Variants in HPSE2 observed in about 807,000 individuals in gnomAD.
HPSE2 encodes inactive heparanase-2.
A neutral mutation model predicts 60.5 loss-of-function variants in HPSE2; 38 were observed. The ratio of observed to expected loss-of-function variants is 0.63; its 90% CI spans 0.48 to 0.82. HPSE2 has a LOEUF of 0.82. HPSE2 is among the 40% of genes least tolerant of loss of function. The pLI, the probability that HPSE2 is intolerant of heterozygous loss-of-function variation, is 0.00. For missense variants in HPSE2, 713 were observed against 740.4 expected (o/e 0.96, Z 0.43); for synonymous variants, 295 against 293.2 (o/e 1.01, Z -0.06).
intron 9 of HPSE2, among the ~76,000 whole-genome samples, chr10:98,592,295 T>C (rs1354541013): frequency 1.3e-5 from 2 of 152,224 alleles, no homozygotes; most frequent in Non-Finnish European, 2.9e-5. Flanking sequence ...TCAGGGCCTT[T>C]CCTCTTGCAT....
chr10:98,653,472 T>C (rs532949367), intron 6 of HPSE2, among the ~76,000 whole-genome samples: 11 of 151,966 alleles, frequency 7.2e-5, no homozygotes, highest in Admixed American at 1.3e-4. Flanking sequence ...GCATTTTATA[T>C]AATTACATTT....
chr10:98,631,992 G>A (rs765129811), intron 7 of HPSE2, among the ~76,000 whole-genome samples: 1 of 152,136 alleles, frequency 6.6e-6, no homozygotes, highest in African/African-American at 2.4e-5. Flanking sequence ...CATTCATTCA[G>A]TATTCTCCTT....
intron 3 of HPSE2, among the ~76,000 whole-genome samples, chr10:98,876,437 A>T (rs1952879562): frequency 6.6e-6 from 1 of 151,838 alleles, no homozygotes; most frequent in African/African-American, 2.4e-5. Context: ...TTTCTTAGTG[A>T]CCAGTGAACT....
At chr10:98,849,818 C>T (rs1031793820) in intron 3 of HPSE2, among the ~76,000 whole-genome samples, 3 of 152,066 alleles carry the variant, frequency 2.0e-5, no homozygotes, top group Admixed American at 6.5e-5. Flanking sequence ...AATCTCGGCT[C>T]ACTGCAACCT....
chr10:98,829,345 T>C (rs1439698959), intron 3 of HPSE2, among the ~76,000 whole-genome samples: 1 of 152,002 alleles, frequency 6.6e-6, no homozygotes, highest in Non-Finnish European at 1.5e-5. Flanking sequence ...CTGGCCAATA[T>C]AGCGAAACCC....
intron 3 of HPSE2, among the ~76,000 whole-genome samples, chr10:99,023,483 C>T (rs1292856555): frequency 6.6e-6 from 1 of 152,080 alleles, no homozygotes; most frequent in Non-Finnish European, 1.5e-5. Context: ...TTGTAGAGCT[C>T]CAGGGCCCTT....
chr10:99,101,819 G>A (rs1195449805), intron 3 of HPSE2, among the ~76,000 whole-genome samples: 1 of 152,154 alleles, frequency 6.6e-6, no homozygotes, highest in Non-Finnish European at 1.5e-5. Flanking sequence ...TAGGACTCAG[G>A]ATTAAGAAAC....
At chr10:98,805,020 A>G (rs1951009287) in intron 3 of HPSE2, among the ~76,000 whole-genome samples, 1 of 152,220 alleles carries the variant, frequency 6.6e-6, no homozygotes, top group Admixed American at 6.5e-5. Context: ...TGCTACATGA[A>G]ATAAGCCAGG....
intron 3 of HPSE2, among the ~76,000 whole-genome samples, chr10:98,894,135 C>T (rs1028360914): frequency 2.0e-5 from 3 of 152,132 alleles, no homozygotes; most frequent in African/African-American, 7.2e-5. Context: ...TCATAGATTG[C>T]TGGTGCCCAA....
chr10:98,957,964 G>A (rs1564690561), intron 3 of HPSE2, among the ~76,000 whole-genome samples: 1 of 152,160 alleles, frequency 6.6e-6, no homozygotes, highest in Non-Finnish European at 1.5e-5. Context: ...GGTTTGTGGG[G>A]AGTGTTCACA....
intron 9 of HPSE2, among the ~76,000 whole-genome samples, chr10:98,518,712 G>GAA (rs56091142): frequency 0.5 from 73,519 of 146,950 alleles, 20,014 homozygotes; most frequent in South Asian, 0.63. Flanking sequence ...ATCCCACGAG[G>GAA]AAAAAAAAAA....
chr10:99,122,340 TG>T (rs1402141505), intron 3 of HPSE2, among the ~76,000 whole-genome samples: 1 of 152,008 alleles, frequency 6.6e-6, no homozygotes, highest in African/African-American at 2.4e-5. Flanking sequence ...AATCTTCTTT[TG>T]GGGATTTTGA....
At position 98,473,719 on chromosome 10, in the gene HPSE2, A is replaced by C. The variant is rs79082825; in HGVS notation, c.1613+8917T>G. 5.7e-3 allele frequency among the ~76,000 whole-genome samples: 874 copies of C among 152,232 alleles called. 9 individuals carry two copies. The highest frequency in any genetic ancestry group is 0.02 in the African/African-American group (835 of 41,536). Reference sequence around the variant, plus strand: ...TAGATATATAGAAAAATTGATAAAGAAGAAGATATAGATTTTCTCTTCTTA... The same window carrying C: ...TAGATATATAGAAAAATTGATAAAGCAGAAGATATAGATTTTCTCTTCTTA... On this transcript the variant is annotated intron_variant, in intron 11 of 11. Transcript: ENST00000370552.
chr10:98,691,624 A>G (rs527692982), intron 6 of HPSE2, among the ~76,000 whole-genome samples: 3 of 152,338 alleles, frequency 2.0e-5, no homozygotes, highest in Admixed American at 6.5e-5. Flanking sequence ...TACGTTATCC[A>G]GATAGCCTTT....
intron 2 of HPSE2, among the ~76,000 whole-genome samples, chr10:99,222,456 TTTCTC>T (rs1429139970): frequency 1.3e-5 from 2 of 152,310 alleles, no homozygotes; most frequent in Non-Finnish European, 2.9e-5. Flanking sequence ...TCAATTCCCT[TTTCTC>T]TTCACAGGAC....
intron 6 of HPSE2, among the ~76,000 whole-genome samples, chr10:98,675,945 A>AG (rs1947629875): frequency 1.3e-5 from 2 of 151,312 alleles, no homozygotes; most frequent in South Asian, 4.2e-4. Flanking sequence ...TTAGAGGCTG[A>AG]GGGGGGAGGT....
chr10:98,512,356 C>T (rs998265219), intron 9 of HPSE2, among the ~76,000 whole-genome samples: 5 of 152,142 alleles, frequency 3.3e-5, no homozygotes, highest in East Asian at 3.9e-4. Context: ...CCGAGGCGGG[C>T]GGATCACGAG....
chr10:99,172,566 G>A (rs1847352668), intron 2 of HPSE2, among the ~76,000 whole-genome samples: 1 of 152,158 alleles, frequency 6.6e-6, no homozygotes, highest in Non-Finnish European at 1.5e-5. Context: ...GTGGAAACAT[G>A]TAAGAACAGA....
At chr10:99,266,426 C>T in the HPSE2 span, among the ~76,000 whole-genome samples, 4 of 152,018 alleles carry the variant, frequency 2.6e-5, no homozygotes, top group Non-Finnish European at 4.4e-5. Flanking sequence ...AGCCATAATC[C>T]CCCTGAGAAT....
Sources: gnomAD v4.1 joint callset for allele counts (sites outside exome capture counted in the v4.1 genomes callset) on GRCh38, gnomAD v4.1.1 for gene constraint, MANE v1.5 for transcripts, NCBI Gene and HGNC (gene_info 2026-07-23, HGNC 2026-07-21) for gene names.